The following OSBPL10 variants were observed in gnomAD, a reference collection of about 807,000 sequenced individuals.
OSBPL10 encodes the protein oxysterol binding protein like 10, also known as oxysterol-binding protein-related protein 10.
A neutral mutation model predicts 81.7 loss-of-function variants in OSBPL10; 49 were observed. The observed-to-expected ratio is 0.60, with a 90% CI of 0.48 to 0.76. The LOEUF (loss-of-function observed/expected upper bound fraction) is 0.76, where lower values mean the gene tolerates loss of function less well. Among genes scored for constraint, OSBPL10 ranks in the 30% least tolerant of loss-of-function variants. The probability of loss-of-function intolerance (pLI) is 0.00; values close to 1 mark genes in which losing one functional copy is unlikely to be tolerated. For missense variants in OSBPL10, 923 were observed against 987.8 expected (o/e 0.93, Z 0.88); for synonymous variants, 419 against 383.6 (o/e 1.09, Z -1.08).
chr3:31,734,085 G>T (rs973225692), intron 5 of OSBPL10, among the ~76,000 whole-genome samples: 1 of 152,096 alleles, frequency 6.6e-6, no homozygotes, highest in Non-Finnish European at 1.5e-5. Flanking sequence ...TCAAAATGTG[G>T]TTTGAATTCT....
At chr3:32,009,500 A>G (rs1016648368) in intron 2 of OSBPL10, among the ~76,000 whole-genome samples, 2 of 152,364 alleles carry the variant, frequency 1.3e-5, no homozygotes, top group African/African-American at 4.8e-5. Flanking sequence ...AAGGAGGAAT[A>G]AATGAAACAA....
chr3:31,875,053 A>T (rs913941447), intron 3 of OSBPL10, among the ~76,000 whole-genome samples: 15 of 150,762 alleles, frequency 9.9e-5, no homozygotes, highest in Non-Finnish European at 1.6e-4. Flanking sequence ...CATGTGCCTA[A>T]TACAAAAAGA....
intron 3 of OSBPL10, among the ~76,000 whole-genome samples, chr3:31,867,462 C>T (rs60391315): frequency 1.1e-3 from 165 of 152,192 alleles, no homozygotes; most frequent in African/African-American, 3.7e-3. Context: ...AGGACACAGG[C>T]GGGACACGGT....
At chr3:31,923,483 G>A (rs1305246331) in intron 1 of OSBPL10, among the ~76,000 whole-genome samples, 1 of 152,114 alleles carries the variant, frequency 6.6e-6, no homozygotes, top group Non-Finnish European at 1.5e-5. Flanking sequence ...TGTACTTTTT[G>A]TTTGTTTTCT....
intron 1 of OSBPL10, among the ~76,000 whole-genome samples, chr3:32,072,048 C>T (rs377529252): frequency 6.6e-6 from 1 of 152,186 alleles, no homozygotes; most frequent in African/African-American, 2.4e-5. Context: ...TACTACCTCT[C>T]AGCAAGCCGA....
intron 1 of OSBPL10, among the ~76,000 whole-genome samples, chr3:31,961,305 C>G (rs1366502218): frequency 6.6e-6 from 1 of 152,120 alleles, no homozygotes; most frequent in African/African-American, 2.4e-5. Flanking sequence ...TTTGAGGGAT[C>G]TGCAGTGCCC....
chr3:31,663,277 G>A, intron 11 of OSBPL10: 1 of 985,026 alleles, frequency 1.0e-6, no homozygotes, highest in Non-Finnish European at 1.2e-6. Context: ...TTAGATTTCT[G>A]GCTCCTCATG....
chr3:31,915,267 C>T (rs969769768), intron 1 of OSBPL10, among the ~76,000 whole-genome samples: 1 of 151,952 alleles, frequency 6.6e-6, no homozygotes, highest in Non-Finnish European at 1.5e-5. Context: ...TGTTCCCTTC[C>T]ACTTCGCCTC....
chr3:31,808,980 A>G (rs1311450432), intron 4 of OSBPL10, among the ~76,000 whole-genome samples: 2 of 152,240 alleles, frequency 1.3e-5, no homozygotes, highest in African/African-American at 4.8e-5. Flanking sequence ...CCTGTAATAT[A>G]TAAACACATA....
At chr3:31,935,655 C>G (rs1342707300) in intron 1 of OSBPL10, among the ~76,000 whole-genome samples, 1 of 151,932 alleles carries the variant, frequency 6.6e-6, no homozygotes, top group African/African-American at 2.4e-5. Flanking sequence ...TCCCAAGTAG[C>G]TGGGATTACA....
intron 6 of OSBPL10, chr3:31,718,166 TG>T (rs1559431732): frequency 6.6e-6 from 1 of 152,048 alleles, no homozygotes; most frequent in Admixed American, 6.6e-5. Flanking sequence ...CTCACTCTGC[TG>T]TCCAGGCTGG....
intron 4 of OSBPL10, among the ~76,000 whole-genome samples, chr3:31,751,375 C>A (rs1697714080): frequency 6.6e-6 from 1 of 150,742 alleles, no homozygotes; most frequent in African/African-American, 2.4e-5. Context: ...AACAAACAAA[C>A]AAATAAAATA....
At chr3:31,825,467 A>T (rs544076646) in intron 4 of OSBPL10, among the ~76,000 whole-genome samples, 1 of 152,216 alleles carries the variant, frequency 6.6e-6, no homozygotes, top group East Asian at 1.9e-4. Context: ...GACTACAGGC[A>T]TGAGCCACCA....
chr3:31,738,099 G>A (rs903743526), intron 5 of OSBPL10, among the ~76,000 whole-genome samples: 9 of 151,958 alleles, frequency 5.9e-5, no homozygotes, highest in Non-Finnish European at 2.9e-5. Context: ...TCAATGGATA[G>A]ACAAAAATGT....
chr3:31,893,835 G>A (rs1236661113), intron 1 of OSBPL10, among the ~76,000 whole-genome samples: 1 of 152,144 alleles, frequency 6.6e-6, no homozygotes, highest in African/African-American at 2.4e-5. Context: ...GGTTGTCTGG[G>A]GCTAAGGGTG....
At chr3:31,888,365 T>C (rs536308621) in intron 1 of OSBPL10, among the ~76,000 whole-genome samples, 1 of 152,164 alleles carries the variant, frequency 6.6e-6, no homozygotes, top group South Asian at 2.1e-4. Flanking sequence ...ACAAAACTAC[T>C]AGAAGAAAAC....
chr3:31,743,079 C>A (rs1054680798), intron 5 of OSBPL10, among the ~76,000 whole-genome samples: 1 of 145,264 alleles, frequency 6.9e-6, no homozygotes, highest in African/African-American at 2.6e-5. Context: ...CTTGCTCTGT[C>A]CCCCAGGCTG....
intron 1 of OSBPL10, among the ~76,000 whole-genome samples, chr3:31,924,747 C>T (rs886510271): frequency 6.6e-6 from 1 of 152,122 alleles, no homozygotes; most frequent in African/African-American, 2.4e-5. Flanking sequence ...CAGAACTATC[C>T]AGCTCTGCTG....
At chr3:32,041,583 C>A (rs1699575395) in intron 2 of OSBPL10, among the ~76,000 whole-genome samples, 1 of 152,174 alleles carries the variant, frequency 6.6e-6, no homozygotes, top group African/African-American at 2.4e-5. Flanking sequence ...CTGAGCTGGC[C>A]AACATTGATG....
Sources: gnomAD v4.1 joint callset for allele counts (sites outside exome capture counted in the v4.1 genomes callset) on GRCh38, gnomAD v4.1.1 for gene constraint, MANE v1.5 for transcripts, NCBI Gene and HGNC (gene_info 2026-07-23, HGNC 2026-07-21) for gene names.